The following SMAD6 variants were observed in gnomAD, a reference collection of about 807,000 sequenced individuals.
SMAD6 encodes SMAD family member 6, also known as MAD homolog 6.
SMAD6 carries 103 observed loss-of-function variants against 39.4 expected under a neutral mutation model. That is an observed-to-expected ratio of 2.62 (90% CI 2.23 to 3.08). SMAD6 has a LOEUF of 3.08. SMAD6 is among the 30% of genes most tolerant of loss of function. The pLI, the probability that SMAD6 is intolerant of heterozygous loss-of-function variation, is 0.00. For missense variants in SMAD6, 1,104 were observed against 742.9 expected (o/e 1.49, Z -5.65); for synonymous variants, 445 against 353.3 (o/e 1.26, Z -2.91).
At chr15:66,775,093 C>G (rs1894443897) in intron 3 of SMAD6, among the ~76,000 whole-genome samples, 1 of 152,056 alleles carries the variant, frequency 6.6e-6, no homozygotes, top group Non-Finnish European at 1.5e-5. Flanking sequence ...AACTCCTGAC[C>G]TCAGGTGATC....
intron 3 of SMAD6, among the ~76,000 whole-genome samples, chr15:66,767,685 A>G (rs1382433457): frequency 6.6e-6 from 1 of 152,236 alleles, no homozygotes; most frequent in African/African-American, 2.4e-5. Flanking sequence ...AAATATTAGT[A>G]TTTAATTGTG....
intron 3 of SMAD6, among the ~76,000 whole-genome samples, chr15:66,739,089 C>CTT (rs56853022): frequency 5.2e-5 from 7 of 135,740 alleles, no homozygotes; most frequent in East Asian, 2.2e-4. Flanking sequence ...TTTTCTTCTT[C>CTT]TTTTTTTTTT....
chr15:66,774,683 C>CT (rs1172607352), intron 3 of SMAD6, among the ~76,000 whole-genome samples: 1 of 152,090 alleles, frequency 6.6e-6, no homozygotes, highest in East Asian at 1.9e-4. Context: ...ATCCACCGTT[C>CT]TTTAAGTATC....
At chr15:66,744,623 C>T (rs1237898999) in intron 3 of SMAD6, among the ~76,000 whole-genome samples, 1 of 152,244 alleles carries the variant, frequency 6.6e-6, no homozygotes. Flanking sequence ...AGGTTTGAGT[C>T]TTGTTCATGG....
intron 1 of SMAD6, chr15:66,707,778 C>T (rs1248724635): frequency 6.6e-6 from 1 of 152,332 alleles, no homozygotes; most frequent in African/African-American, 2.4e-5. Flanking sequence ...CTCAGGAGGC[C>T]CCCTCCCCAT....
chr15:66,748,586 T>C (rs922548605), intron 3 of SMAD6, among the ~76,000 whole-genome samples: 1 of 152,174 alleles, frequency 6.6e-6, no homozygotes, highest in African/African-American at 2.4e-5. Context: ...TATTTAAACA[T>C]TTAATTGAAT....
chr15:66,709,724 G>A (rs1595761766), intron 1 of SMAD6, among the ~76,000 whole-genome samples: 1 of 152,266 alleles, frequency 6.6e-6, no homozygotes, highest in Middle Eastern at 3.4e-3. Flanking sequence ...GTTCTGGCTC[G>A]ATACCTAGCT....
chr15:66,741,547 A>G (rs1299573684), intron 3 of SMAD6, among the ~76,000 whole-genome samples: 1 of 152,182 alleles, frequency 6.6e-6, no homozygotes. Flanking sequence ...TATGGAAACT[A>G]GGGTCCTGGG....
intron 3 of SMAD6, among the ~76,000 whole-genome samples, chr15:66,718,096 T>C (rs1203155626): frequency 7.3e-6 from 1 of 137,688 alleles, no homozygotes; most frequent in Non-Finnish European, 1.5e-5. Context: ...TCCCTATTGT[T>C]AATGATGGAA....
At chr15:66,731,437 C>CAAAAA (rs58387784) in intron 3 of SMAD6, among the ~76,000 whole-genome samples, 1 of 126,824 alleles carries the variant, frequency 7.9e-6, no homozygotes, top group Non-Finnish European at 1.7e-5. Context: ...GACTCCGTCT[C>CAAAAA]AAAAAAAAAA....
At chr15:66,757,825 C>T (rs1040187267) in intron 3 of SMAD6, among the ~76,000 whole-genome samples, 26 of 152,306 alleles carry the variant, frequency 1.7e-4, no homozygotes, top group African/African-American at 6.3e-4. Context: ...AACAGAGTGG[C>T]ATGGAATGCG....
At chr15:66,729,034 T>C (rs1318190048) in intron 3 of SMAD6, among the ~76,000 whole-genome samples, 1 of 152,230 alleles carries the variant, frequency 6.6e-6, no homozygotes, top group East Asian at 1.9e-4. Context: ...GAAGCCCCTC[T>C]AGAGGGGATT....
chr15:66,720,267 C>G (rs1268896483), intron 3 of SMAD6, among the ~76,000 whole-genome samples: 2 of 150,284 alleles, frequency 1.3e-5, no homozygotes, highest in African/African-American at 4.9e-5. Flanking sequence ...TAAAGTAGAA[C>G]ATGCCATAAT....
chr15:66,704,728 A>C (rs568897587), intron 1 of SMAD6: 1 of 152,196 alleles, frequency 6.6e-6, no homozygotes, highest in South Asian at 2.1e-4. Flanking sequence ...GTCCTTCTCA[A>C]GTTTTGTGTT....
chr15:66,721,865 A>C (rs1893439052), intron 3 of SMAD6, among the ~76,000 whole-genome samples: 3 of 152,148 alleles, frequency 2.0e-5, no homozygotes, highest in African/African-American at 7.2e-5. Context: ...TTAGTGATCA[A>C]CTCTCAACTC....
intron 3 of SMAD6, among the ~76,000 whole-genome samples, chr15:66,738,875 T>G: frequency 6.6e-6 from 1 of 152,048 alleles, no homozygotes; most frequent in Non-Finnish European, 1.5e-5. Context: ...TATCTTTGAG[T>G]CACTGCAGTG....
rs1349393332 is a variant in SMAD6, at chr15:66,703,112, A to G, written c.-147A>G. 2.9e-5 allele frequency: 15 copies of G among 522,070 alleles called. No homozygotes were observed. Among genetic ancestry groups the G allele is most frequent in the Non-Finnish European group, 9.3e-6 (3 of 321,218 alleles). 32.3% of individuals were successfully genotyped at this position (522,070 alleles called of 1,614,324 possible). On this transcript the variant is annotated 5_prime_UTR_variant, in exon 1 of 4. Coordinates refer to ENST00000288840, the MANE Select transcript of SMAD6 (RefSeq NM_005585.5). ...GTTGTCGCCCTGCGGCGCCCCTTCG[A>G]CGACAGGCTGTGCGCGGTCTGCACG...
chr15:66,776,262 C>G (rs935216563), intron 3 of SMAD6, among the ~76,000 whole-genome samples: 1 of 152,212 alleles, frequency 6.6e-6, no homozygotes, highest in African/African-American at 2.4e-5. Context: ...TGGGCCATGA[C>G]CCCCAACCCC....
intron 3 of SMAD6, among the ~76,000 whole-genome samples, chr15:66,775,146 G>A (rs1293432399): frequency 6.6e-6 from 1 of 152,038 alleles, no homozygotes; most frequent in Non-Finnish European, 1.5e-5. Flanking sequence ...ACAGGCATGA[G>A]CCACCATGCC....
Sources: gnomAD v4.1 joint callset for allele counts (sites outside exome capture counted in the v4.1 genomes callset) on GRCh38, gnomAD v4.1.1 for gene constraint, MANE v1.5 for transcripts, NCBI Gene and HGNC (gene_info 2026-07-23, HGNC 2026-07-21) for gene names.